The following SULT1E1 variants were observed in gnomAD, a reference collection of about 807,000 sequenced individuals.
SULT1E1 encodes sulfotransferase family 1E member 1.
Under a neutral mutation model 33.6 loss-of-function variants are expected in SULT1E1, and 36 were observed. That is an observed-to-expected ratio of 1.07 (90% CI 0.82 to 1.41). The LOEUF is 1.41. Ranked by LOEUF, SULT1E1 falls within the 40% of genes most tolerant of loss-of-function variation. The pLI is 0.00. For missense variants in SULT1E1, 371 were observed against 345.7 expected, an observed-to-expected ratio of 1.07 and a Z score of -0.58; for synonymous variants, 121 against 111.7, an observed-to-expected ratio of 1.08 and a Z score of -0.53.
chr4:69,849,258 G>A (rs1721048398), intron 5 of SULT1E1, 179 bp downstream of exon 5: 1 of 469,092 alleles, frequency 2.1e-6, no homozygotes, highest in Non-Finnish European at 3.6e-6. Context: ...TCTGCAATTT[G>A]CCTTCTACAT....
At chr4:69,842,290 T>C (rs907031513) in intron 7 of SULT1E1, among the ~76,000 whole-genome samples, 184 bp from the exon 8 acceptor site, 4 of 152,206 alleles carry the variant, frequency 2.6e-5, no homozygotes, top group South Asian at 2.1e-4. Flanking sequence ...TTTGTCCTAA[T>C]TGGTTTAAAA....
At chr4:69,823,350 C>T in the SULT1E1 span, among the ~76,000 whole-genome samples, 1 of 152,160 alleles carries the variant, frequency 6.6e-6, no homozygotes, top group African/African-American at 2.4e-5. Context: ...CACCATTCTC[C>T]TTCAACGTAG....
At chr4:69,837,921 G>A (rs1367015259), downstream of SULT1E1, among the ~76,000 whole-genome samples, 1 of 152,200 alleles carries the variant, frequency 6.6e-6, no homozygotes, top group Non-Finnish European at 1.5e-5. Flanking sequence ...TCTAGGCTTT[G>A]TGAATTCTCT....
intron 7 of SULT1E1, among the ~76,000 whole-genome samples, 179 bp from the exon 8 acceptor site, chr4:69,842,285 C>A (rs1720899177): frequency 6.6e-6 from 1 of 152,058 alleles, no homozygotes; most frequent in South Asian, 2.1e-4. Flanking sequence ...ATGGATTTGT[C>A]CTAATTGGTT....
At chr4:69,856,861 A>G (rs896561399) in intron 2 of SULT1E1, among the ~76,000 whole-genome samples, 1 of 137,008 alleles carries the variant, frequency 7.3e-6, no homozygotes, top group Non-Finnish European at 1.5e-5. Flanking sequence ...GCAGGAACCC[A>G]GGAGGCGGAG....
chr4:69,855,895 C>T (rs1258875542), intron 2 of SULT1E1, among the ~76,000 whole-genome samples: 3 of 152,128 alleles, frequency 2.0e-5, no homozygotes, highest in African/African-American at 7.2e-5. Flanking sequence ...TGTTCAATAG[C>T]TACAATAAAT....
the SULT1E1 span, among the ~76,000 whole-genome samples, chr4:69,833,435 G>A: frequency 6.6e-6 from 1 of 152,092 alleles, no homozygotes; most frequent in African/African-American, 2.4e-5. Context: ...AGCTAACTTA[G>A]GTAGAATTTC....
chr4:69,822,287 G>A, the SULT1E1 span, among the ~76,000 whole-genome samples: 7 of 152,088 alleles, frequency 4.6e-5, no homozygotes, highest in Admixed American at 1.3e-4. Flanking sequence ...GAGGCTCTAA[G>A]TTAAACCATT....
the SULT1E1 span, among the ~76,000 whole-genome samples, chr4:69,822,849 A>T: frequency 6.6e-6 from 1 of 152,276 alleles, no homozygotes; most frequent in Middle Eastern, 3.4e-3. Context: ...TGTTTAGAAG[A>T]ATATGTATTG....
the SULT1E1 span, among the ~76,000 whole-genome samples, chr4:69,835,365 T>G: frequency 5.3e-5 from 8 of 152,374 alleles, no homozygotes; most frequent in Admixed American, 1.3e-4. Flanking sequence ...CGTGTCTTAC[T>G]GTCTTTGCAT....
chr4:69,848,397 T>A (rs1023584598), intron 5 of SULT1E1, among the ~76,000 whole-genome samples: 4 of 151,802 alleles, frequency 2.6e-5, no homozygotes, highest in Non-Finnish European at 5.9e-5. Flanking sequence ...GCCTCACTCA[T>A]AGTAAAAATG....
At chr4:69,855,275 GT>G in intron 3 of SULT1E1, 25 bp downstream of exon 3, 1 of 1,603,544 alleles carries the variant, frequency 6.2e-7, no homozygotes. Flanking sequence ...TATGCAAATA[GT>G]TTTTAAAATC....
At chr4:69,845,481 A>C (rs1463265794) in intron 6 of SULT1E1, among the ~76,000 whole-genome samples, 4 of 151,294 alleles carry the variant, frequency 2.6e-5, no homozygotes, top group Non-Finnish European at 5.9e-5. Context: ...AAGACACAAG[A>C]AAAAAGATTA....
downstream of SULT1E1, among the ~76,000 whole-genome samples, chr4:69,838,113 T>G (rs1720820970): frequency 6.6e-6 from 1 of 152,114 alleles, no homozygotes; most frequent in African/African-American, 2.4e-5. Context: ...GTAGAATCTG[T>G]GGTTATATTT....
intron 1 of SULT1E1, among the ~76,000 whole-genome samples, chr4:69,859,472 C>T (rs1721320126): frequency 6.6e-6 from 1 of 152,074 alleles, no homozygotes; most frequent in African/African-American, 2.4e-5. Flanking sequence ...ATCTCCAGCA[C>T]TATGACACAA....
chr4:69,844,162 C>A lies in SULT1E1; in HGVS notation c.771G>T (p.Lys257Asn). ...MNQKLSPFMR[K>N]GITGDWKNHF... Reference sequence around the variant, plus strand: ...CGAGGCAAACCACATTTTTCTCACCCTTTCTCATGAAGGGCGACAATTTCT... The same window carrying A: ...CGAGGCAAACCACATTTTTCTCACCATTTCTCATGAAGGGCGACAATTTCT... The change falls in exon 7 of 8, where the codon AAG (lysine) becomes AAT (asparagine). Residue 257 changes from lysine to asparagine, a missense_variant and splice_region_variant. Transcript: ENST00000226444. 1 of 1,613,896 alleles carries A rather than the reference C, an allele frequency of 6.2e-7. No individual in the cohort carries two copies. Among genetic ancestry groups the A allele is most frequent in the Non-Finnish European group, 8.5e-7 (1 of 1,179,878 alleles).
At chr4:69,822,942 A>G in the SULT1E1 span, among the ~76,000 whole-genome samples, 8 of 152,352 alleles carry the variant, frequency 5.3e-5, no homozygotes, top group African/African-American at 1.9e-4. Flanking sequence ...ACTTTTTACA[A>G]CAAAATGGCC....
chr4:69,855,354 A>T lies in SULT1E1; in HGVS notation c.218T>A (p.Val73Glu). ...CAGGAAAGGTATTCGATTAAAAATT[A>T]CATCTTCTTTGCACTTTTCCACATC... is the stretch of plus-strand genomic sequence containing the variant. Reference protein sequence around the residue: ...EGDVEKCKEDVIFNRIPFLEC... With the variant: ...EGDVEKCKEDEIFNRIPFLEC... Residue 73 changes from valine (V) to glutamate (E), a missense_variant, in exon 3 of 8, where the codon GTA becomes GAA. Val to Glu is a moderately radical substitution (Grantham distance 121). Transcript: ENST00000226444. 6.2e-7 allele frequency: 1 copy of T among 1,613,286 alleles called. No homozygotes were observed. Among genetic ancestry groups the T allele is most frequent in the Non-Finnish European group, 8.5e-7 (1 of 1,179,562 alleles).
In SULT1E1 at chr4:69,849,436, C is replaced by T; in HGVS notation, c.496+1G>A. On this transcript the variant is annotated splice_donor_variant, in intron 5 of 7. Transcript: ENST00000226444. LOFTEE classifies it high-confidence loss of function. ...ATTCAGTGTAAAGAAGCTGTTCCTACCCTGTCCTTGCATGAATTTCTCCAC... is the reference window on the plus strand; with the variant it reads ...ATTCAGTGTAAAGAAGCTGTTCCTATCCTGTCCTTGCATGAATTTCTCCAC... The T allele has an allele frequency of 6.2e-7, 1 of 1,607,502 alleles. No individual in the cohort carries two copies. The highest frequency in any genetic ancestry group is 2.2e-5 in the East Asian group (1 of 44,542).
Sources: gnomAD v4.1 joint callset for allele counts (sites outside exome capture counted in the v4.1 genomes callset) on GRCh38, gnomAD v4.1.1 for gene constraint, MANE v1.5 for transcripts, NCBI Gene and HGNC (gene_info 2026-07-23, HGNC 2026-07-21) for gene names.